The following AFF3 variants were observed in gnomAD, a reference collection of about 807,000 sequenced individuals.
AFF3 encodes the protein AF4/FMR2 family member 3.
A neutral mutation model predicts 129.7 loss-of-function variants in AFF3; 32 were observed. The ratio of observed to expected loss-of-function variants is 0.25; its 90% CI spans 0.19 to 0.33. The LOEUF (loss-of-function observed/expected upper bound fraction) is 0.33. AFF3 is among the 10% of genes least tolerant of loss of function. The pLI, the probability that AFF3 is intolerant of heterozygous loss-of-function variation, is 1.00. For synonymous variants in AFF3, 644 were observed against 635.4 expected (o/e 1.01, Z -0.20); for missense variants, 1,373 against 1,592.0 (o/e 0.86, Z 2.34).
intron 13 of AFF3, among the ~76,000 whole-genome samples, chr2:99,649,320 G>A (rs1685014950): frequency 6.6e-6 from 1 of 152,140 alleles, no homozygotes; most frequent in Non-Finnish European, 1.5e-5. Context: ...TGAAAAATGA[G>A]CTTAGATCTC....
intron 8 of AFF3, among the ~76,000 whole-genome samples, chr2:99,813,741 G>A (rs1558875035): frequency 6.6e-6 from 1 of 152,270 alleles, no homozygotes; most frequent in East Asian, 1.9e-4. Flanking sequence ...GGAATTTTGG[G>A]AAGAATCTCC....
At chr2:99,970,480 C>A (rs866923626) in intron 7 of AFF3, among the ~76,000 whole-genome samples, 2 of 152,226 alleles carry the variant, frequency 1.3e-5, no homozygotes, top group Non-Finnish European at 2.9e-5. Flanking sequence ...CACCCACCCA[C>A]ACACTTTGAC....
chr2:99,602,099 G>A (rs1457099163), intron 13 of AFF3, among the ~76,000 whole-genome samples: 2 of 152,234 alleles, frequency 1.3e-5, no homozygotes, highest in Admixed American at 6.5e-5. Context: ...AGGGCTGTCA[G>A]GAAGGGCACG....
intron 7 of AFF3, among the ~76,000 whole-genome samples, chr2:99,937,550 T>G (rs1674633072): frequency 6.6e-6 from 1 of 152,034 alleles, no homozygotes; most frequent in Non-Finnish European, 1.5e-5. Context: ...AGGCGCCTGC[T>G]ACCACGCCCA....
intron 8 of AFF3, among the ~76,000 whole-genome samples, chr2:99,804,795 G>A (rs1328593242): frequency 1.3e-5 from 2 of 152,160 alleles, no homozygotes; most frequent in African/African-American, 4.8e-5. Flanking sequence ...TGTGGATGGA[G>A]CTGGGGGCCA....
intron 13 of AFF3, among the ~76,000 whole-genome samples, chr2:99,616,233 A>G (rs1681414473): frequency 6.6e-6 from 1 of 152,076 alleles, no homozygotes; most frequent in South Asian, 2.1e-4. Flanking sequence ...ATTTATTCAT[A>G]TATATTTTCA....
chr2:100,045,009 G>C (rs1426716029), intron 4 of AFF3, among the ~76,000 whole-genome samples: 1 of 152,114 alleles, frequency 6.6e-6, no homozygotes, highest in Non-Finnish European at 1.5e-5. Flanking sequence ...AAGAGCATCA[G>C]CCCACAGCAT....
intron 7 of AFF3, among the ~76,000 whole-genome samples, chr2:99,883,631 G>A (rs1052512077): frequency 6.6e-6 from 1 of 152,100 alleles, no homozygotes; most frequent in African/African-American, 2.4e-5. Flanking sequence ...TGATTTCATG[G>A]AGAGAAGGAA....
intron 9 of AFF3, among the ~76,000 whole-genome samples, chr2:99,748,865 T>C (rs907898121): frequency 6.6e-6 from 1 of 152,220 alleles, no homozygotes; most frequent in African/African-American, 2.4e-5. Context: ...CACCTATTCA[T>C]TGACGAAAAA....
chr2:99,703,517 C>T (rs1278334233), intron 11 of AFF3, among the ~76,000 whole-genome samples: 1 of 152,172 alleles, frequency 6.6e-6, no homozygotes, highest in Admixed American at 6.5e-5. Context: ...ACGTTCCACT[C>T]CACCAATCTC....
chr2:99,707,795 C>T (rs1677544597), intron 11 of AFF3: 3 of 360,906 alleles, frequency 8.3e-6, no homozygotes, highest in Non-Finnish European at 1.1e-5. Context: ...GGATTTCTTT[C>T]TTGCAAAATT....
intron 8 of AFF3, among the ~76,000 whole-genome samples, chr2:99,816,192 AT>A: frequency 6.6e-6 from 1 of 151,766 alleles, no homozygotes; most frequent in Non-Finnish European, 1.5e-5. Flanking sequence ...AAAATTTTTT[AT>A]TTGGCTCTCT....
At chr2:100,024,653 T>C (rs1271237708) in intron 4 of AFF3, among the ~76,000 whole-genome samples, 4 of 151,640 alleles carry the variant, frequency 2.6e-5, no homozygotes, top group Non-Finnish European at 5.9e-5. Context: ...CAAAAATAAT[T>C]GTAAAACCAA....
chr2:99,623,082 C>T (rs1230027273), intron 13 of AFF3, among the ~76,000 whole-genome samples: 6 of 151,580 alleles, frequency 4.0e-5, no homozygotes, highest in East Asian at 3.9e-4. Flanking sequence ...CCTGGCAGCA[C>T]GTGCCTCCGT....
intron 7 of AFF3, among the ~76,000 whole-genome samples, chr2:99,871,102 C>T (rs1347243161): frequency 2.6e-5 from 4 of 152,074 alleles, no homozygotes; most frequent in Non-Finnish European, 5.9e-5. Flanking sequence ...GTTTTGTGCA[C>T]AAAACTACTA....
At chr2:99,778,982 G>A (rs760079939) in intron 8 of AFF3, among the ~76,000 whole-genome samples, 4 of 151,768 alleles carry the variant, frequency 2.6e-5, no homozygotes, top group Non-Finnish European at 5.9e-5. Context: ...TGTTATCTGT[G>A]AATTAGAGAT....
At chr2:99,573,712 C>A (rs931331342) in intron 18 of AFF3, among the ~76,000 whole-genome samples, 1 of 152,192 alleles carries the variant, frequency 6.6e-6, no homozygotes, top group East Asian at 1.9e-4. Context: ...CAGCGCCTGG[C>A]GTCTATAGTC....
At chr2:99,798,079 C>T (rs1451387804) in intron 8 of AFF3, among the ~76,000 whole-genome samples, 1 of 151,856 alleles carries the variant, frequency 6.6e-6, no homozygotes, top group Non-Finnish European at 1.5e-5. Flanking sequence ...GAGTTGATAA[C>T]ATATACAAGT....
intron 13 of AFF3, among the ~76,000 whole-genome samples, chr2:99,633,735 G>A (rs1009034398): frequency 2.0e-5 from 3 of 152,026 alleles, no homozygotes; most frequent in South Asian, 2.1e-4. Flanking sequence ...CTTACAAAGC[G>A]AGTGGTTCCC....
Sources: gnomAD v4.1 joint callset for allele counts (sites outside exome capture counted in the v4.1 genomes callset) on GRCh38, gnomAD v4.1.1 for gene constraint, MANE v1.5 for transcripts, NCBI Gene and HGNC (gene_info 2026-07-23, HGNC 2026-07-21) for gene names.